Variants in ASPRV1 observed in about 807,000 individuals in gnomAD.
The protein encoded by ASPRV1 is retroviral-like aspartic protease 1.
In ASPRV1, 7 loss-of-function variants were observed where a neutral mutation model predicts 11.0. The ratio of observed to expected loss-of-function variants is 0.64; its 90% CI spans 0.36 to 1.20. ASPRV1 has a LOEUF of 1.20. ASPRV1 is among the 50% of genes most tolerant of loss of function. ASPRV1 has a pLI of 0.02. For missense variants in ASPRV1, 299 were observed against 320.0 expected (o/e 0.93, Z 0.50); for synonymous variants, 136 against 138.4 (o/e 0.98, Z 0.12).
the ASPRV1 span, among the ~76,000 whole-genome samples, chr2:70,052,135 A>C: frequency 6.6e-6 from 1 of 152,196 alleles, no homozygotes; most frequent in Non-Finnish European, 1.5e-5. Context: ...AGAAAAGTAT[A>C]TATCAGATGA....
chr2:70,014,549 C>A, the ASPRV1 span: 3 of 152,030 alleles, frequency 2.0e-5, no homozygotes, highest in Non-Finnish European at 4.4e-5. Flanking sequence ...ACCTGTAATC[C>A]TAACACTTTG....
At chr2:69,958,033 G>A (rs544828974), downstream of ASPRV1, among the ~76,000 whole-genome samples, 1 of 152,282 alleles carries the variant, frequency 6.6e-6, no homozygotes, top group South Asian at 2.1e-4. Context: ...AGGCAGGTGT[G>A]AACTCCTCAC....
the ASPRV1 span, among the ~76,000 whole-genome samples, chr2:70,079,198 C>G: frequency 6.6e-6 from 1 of 151,942 alleles, no homozygotes; most frequent in Non-Finnish European, 1.5e-5. Context: ...GTCTTGAGTT[C>G]AGGGAAAGAC....
the ASPRV1 span, among the ~76,000 whole-genome samples, chr2:70,079,231 C>T: frequency 6.6e-6 from 1 of 152,022 alleles, no homozygotes; most frequent in Admixed American, 6.6e-5. Context: ...AATGTAAACT[C>T]ATGAATTGTC....
chr2:70,084,874 A>C, the ASPRV1 span, among the ~76,000 whole-genome samples: 1 of 152,208 alleles, frequency 6.6e-6, no homozygotes, highest in Non-Finnish European at 1.5e-5. Flanking sequence ...GTACCTATTA[A>C]ATGTTCGTAG....
chr2:69,935,905 G>C, the ASPRV1 span, among the ~76,000 whole-genome samples: 1 of 152,076 alleles, frequency 6.6e-6, no homozygotes, highest in Non-Finnish European at 1.5e-5. Flanking sequence ...ATCAACACGT[G>C]ACCTTGTTTA....
the ASPRV1 span, among the ~76,000 whole-genome samples, chr2:69,983,122 T>C: frequency 6.6e-6 from 1 of 152,182 alleles, no homozygotes; most frequent in Non-Finnish European, 1.5e-5. Context: ...TTTCACCATG[T>C]TGGCCAGGTC....
chr2:70,060,340 C>CAA, the ASPRV1 span, among the ~76,000 whole-genome samples: 11,370 of 52,434 alleles, frequency 0.22, 1,317 homozygotes, highest in South Asian at 0.37. Context: ...GACTCCATCT[C>CAA]AAAAAAAAAA....
chr2:69,945,564 A>G, the ASPRV1 span, among the ~76,000 whole-genome samples: 1 of 152,234 alleles, frequency 6.6e-6, no homozygotes, highest in Non-Finnish European at 1.5e-5. Context: ...AGGAAAGGGA[A>G]GCTTTGTGTT....
At chr2:70,021,787 C>T in the ASPRV1 span, among the ~76,000 whole-genome samples, 1 of 151,944 alleles carries the variant, frequency 6.6e-6, no homozygotes, top group African/African-American at 2.4e-5. Context: ...ACTGCAACCT[C>T]CGCCTCCCGG....
chr2:69,979,205 T>C, the ASPRV1 span, among the ~76,000 whole-genome samples: 8 of 152,260 alleles, frequency 5.3e-5, no homozygotes, highest in South Asian at 2.1e-4. Flanking sequence ...CAGCTAATTT[T>C]TGTATTTTTA....
chr2:70,043,979 T>C, the ASPRV1 span, among the ~76,000 whole-genome samples: 8 of 152,112 alleles, frequency 5.3e-5, no homozygotes, highest in African/African-American at 9.7e-5. Context: ...AAGTATTTCT[T>C]TAGAGACCCA....
Position 69,961,474 on chromosome 2 carries a change from G to A in ASPRV1, c.-38C>T, listed in dbSNP as rs749880547. The A allele has an allele frequency of 2.6e-5, 42 of 1,614,048 alleles. No individual in the cohort carries two copies. The highest frequency in any genetic ancestry group is 6.7e-5 in the African/African-American group (5 of 75,048). On this transcript the variant is annotated 5_prime_UTR_variant, in exon 1 of 1. Transcript: ENST00000320256. ...CTCTGGAACCTCAGCAGCAACCCAC[G>A]CCAAGAAGAGAAACCCACAGAGCAG...
the ASPRV1 span, among the ~76,000 whole-genome samples, chr2:70,084,934 A>G: frequency 6.6e-6 from 1 of 152,218 alleles, no homozygotes; most frequent in Non-Finnish European, 1.5e-5. Flanking sequence ...TCTGATAGTA[A>G]CATAAGTTAA....
the ASPRV1 span, chr2:70,031,810 T>C: frequency 7.9e-5 from 12 of 152,334 alleles, no homozygotes; most frequent in African/African-American, 2.7e-4. Context: ...GCCTTCATCT[T>C]GCTCCATCTC....
chr2:70,050,170 C>T, the ASPRV1 span: 3 of 151,974 alleles, frequency 2.0e-5, no homozygotes, highest in Non-Finnish European at 1.5e-5. Flanking sequence ...GTCCCAGGTA[C>T]TCGGGAGGCT....
Position 69,961,268 on chromosome 2 carries a change from A to G in ASPRV1, c.169T>C (p.Ser57Pro), listed in dbSNP as rs1678089107. ...ACACCCAGGGCCTCTCCTCTGAGGG[A>G]CTCTTTCAGGAACCTTAGCTTGGTG... is the stretch of plus-strand genomic sequence containing the variant. ...HITKLRFLKE[S>P]LRGEALGVYN... Residue 57 changes from serine to proline, a missense_variant, in exon 1 of 1, where the codon TCC (serine) becomes CCC (proline). Physicochemically the swap from Ser to Pro is moderately conservative, Grantham distance 74. Coordinates refer to ENST00000320256, the MANE Select transcript of ASPRV1 (RefSeq NM_152792.4). 1.2e-6 allele frequency: 2 copies of G among 1,613,494 alleles called. No individual in the cohort carries two copies. Among genetic ancestry groups the G allele is most frequent in the South Asian group, 1.1e-5 (1 of 91,034 alleles).
chr2:69,960,521 G>C lies in ASPRV1; in HGVS notation c.*136C>G, dbSNP rs1186870198. 1.1e-6 allele frequency: 1 copy of C among 932,796 alleles called. No homozygotes were observed. The highest frequency in any genetic ancestry group is 2.8e-5 in the Admixed American group (1 of 36,356). The allele number at this position is 932,796 out of a possible 1,614,324, so 57.8% of individuals were successfully genotyped here. A position where few individuals can be genotyped will look rare whatever the true frequency, so the allele number is the denominator to read the frequency against. On this transcript the variant is annotated 3_prime_UTR_variant, in exon 1 of 1. Coordinates refer to ENST00000320256, the MANE Select transcript of ASPRV1 (RefSeq NM_152792.4). The stretch of plus-strand genomic sequence containing the variant: ...GGGCAGATTAAGGCCCCTGCAGAGG[G>C]AGGCAAAGGGGAGAGAAGAGCAAGA...
the ASPRV1 span, among the ~76,000 whole-genome samples, chr2:69,950,732 A>G: frequency 6.6e-6 from 1 of 151,992 alleles, no homozygotes; most frequent in African/African-American, 2.4e-5. Flanking sequence ...AGTCCCAGCT[A>G]TTCTGGAGGC....
Sources: allele counts gnomAD v4.1 joint callset (sites outside exome capture counted in the v4.1 genomes callset), GRCh38; gene constraint gnomAD v4.1.1; transcripts MANE v1.5; gene names NCBI Gene and HGNC (gene_info 2026-07-23, HGNC 2026-07-21).